Variants in TNR observed in about 807,000 individuals in gnomAD.
TNR encodes the protein tenascin-R.
Under a neutral mutation model 150.4 loss-of-function variants are expected in TNR, and 45 were observed. The ratio of observed to expected loss-of-function variants is 0.30; its 90% confidence interval spans 0.24 to 0.38. The LOEUF is 0.38. Among genes scored for constraint, TNR ranks in the 10% least tolerant of loss-of-function variants. TNR has a pLI of 1.00. For synonymous variants in TNR, 687 were observed against 678.4 expected (o/e 1.01, Z -0.20); for missense variants, 1,544 against 1,759.1 (o/e 0.88, Z 2.19).
intron 1 of TNR, among the ~76,000 whole-genome samples, chr1:175,703,075 A>T (rs1029246197): frequency 3.3e-5 from 5 of 152,006 alleles, no homozygotes; most frequent in African/African-American, 1.2e-4. Flanking sequence ...AAAAAATGGA[A>T]GGGAGGGAAG....
chr1:175,465,629 A>G (rs1657001164), intron 2 of TNR, among the ~76,000 whole-genome samples: 1 of 152,198 alleles, frequency 6.6e-6, no homozygotes, highest in South Asian at 2.1e-4. Flanking sequence ...GAATCCAGAA[A>G]TATATGTGGA....
intron 2 of TNR, among the ~76,000 whole-genome samples, chr1:175,451,969 C>G (rs547449838): frequency 5.8e-4 from 89 of 152,294 alleles, no homozygotes; most frequent in African/African-American, 2.0e-3. Context: ...TGGACATGTG[C>G]TTTGGGTATT....
At chr1:175,671,109 C>A (rs528307980) in intron 1 of TNR, among the ~76,000 whole-genome samples, 2 of 152,198 alleles carry the variant, frequency 1.3e-5, no homozygotes, top group South Asian at 4.2e-4. Context: ...GTACTGAACA[C>A]CCGTAGGGGT....
intron 4 of TNR, among the ~76,000 whole-genome samples, chr1:175,401,621 T>C (rs1653705404): frequency 6.6e-6 from 1 of 152,194 alleles, no homozygotes; most frequent in African/African-American, 2.4e-5. Context: ...CAGTGCATTA[T>C]TGTTGTTTTT....
chr1:175,484,783 G>A (rs934504949), intron 2 of TNR, among the ~76,000 whole-genome samples: 1 of 152,162 alleles, frequency 6.6e-6, no homozygotes, highest in African/African-American at 2.4e-5. Context: ...TGTCTTTGAG[G>A]GGACTGGCAG....
intron 2 of TNR, among the ~76,000 whole-genome samples, chr1:175,517,948 C>T (rs530496020): frequency 6.6e-6 from 1 of 152,120 alleles, no homozygotes; most frequent in Non-Finnish European, 1.5e-5. Flanking sequence ...AGGTTCCTTC[C>T]CAGAGCCCAG....
rs558838358 is a variant in TNR, at chr1:175,731,280, C to T, written c.-165+11946G>A. Among the ~76,000 whole-genome samples, 17 of 152,258 alleles carry T rather than the reference C, an allele frequency of 1.1e-4. No individual in the cohort carries two copies. The South Asian group carries it at 1.2e-3, about 11-fold the overall frequency. The stretch of plus-strand genomic sequence containing the variant: ...TGAAAAGTGCGAGTTAGTATGGTTG[C>T]GATCTCAATTCTGTCACTGTTGCCC... On this transcript the variant is annotated intron_variant, in intron 1 of 22. Transcript: ENST00000367674.
chr1:175,579,753 G>A (rs907257577), intron 1 of TNR, among the ~76,000 whole-genome samples: 3 of 151,872 alleles, frequency 2.0e-5, no homozygotes, highest in Non-Finnish European at 4.4e-5. Flanking sequence ...CTTGGAAATA[G>A]AGGGGAGAGG....
At chr1:175,629,359 G>C (rs1469463875) in intron 1 of TNR, among the ~76,000 whole-genome samples, 1 of 152,216 alleles carries the variant, frequency 6.6e-6, no homozygotes, top group African/African-American at 2.4e-5. Flanking sequence ...AGGCTTCCAA[G>C]AGTAGGCAGG....
intron 1 of TNR, among the ~76,000 whole-genome samples, chr1:175,590,309 T>C (rs1662748305): frequency 6.6e-6 from 1 of 152,214 alleles, no homozygotes; most frequent in African/African-American, 2.4e-5. Context: ...AAATAAAAAT[T>C]TGATATTTCA....
chr1:175,527,361 G>T (rs1659884650), intron 2 of TNR, among the ~76,000 whole-genome samples: 1 of 152,142 alleles, frequency 6.6e-6, no homozygotes, highest in Non-Finnish European at 1.5e-5. Context: ...AGGGTGTTCT[G>T]GGCTGATTCA....
chr1:175,437,669 G>A (rs1212480445), intron 2 of TNR, among the ~76,000 whole-genome samples: 3 of 152,208 alleles, frequency 2.0e-5, no homozygotes, highest in Middle Eastern at 3.4e-3. Flanking sequence ...GAATCAAATA[G>A]ACGCAATAAA....
intron 1 of TNR, among the ~76,000 whole-genome samples, chr1:175,577,342 G>A (rs1160723598): frequency 6.6e-6 from 1 of 152,102 alleles, no homozygotes; most frequent in Non-Finnish European, 1.5e-5. Flanking sequence ...GCTAGGTCTG[G>A]GAGTGAAGAC....
chr1:175,448,412 A>G (rs1477991209), intron 2 of TNR, among the ~76,000 whole-genome samples: 4 of 151,934 alleles, frequency 2.6e-5, no homozygotes, highest in Non-Finnish European at 4.4e-5. Flanking sequence ...GGGTTTCACT[A>G]TGTTAGCCAG....
At chr1:175,397,530 T>C (rs1053779931) in intron 4 of TNR, among the ~76,000 whole-genome samples, 5 of 152,230 alleles carry the variant, frequency 3.3e-5, no homozygotes, top group African/African-American at 1.2e-4. Context: ...AAATAAAGAC[T>C]CATTCCTGAT....
chr1:175,652,966 T>A (rs965311012), intron 1 of TNR, among the ~76,000 whole-genome samples: 4 of 152,116 alleles, frequency 2.6e-5, no homozygotes, highest in African/African-American at 9.7e-5. Context: ...TGGGAAAAAG[T>A]GCCACTTAAA....
At chr1:175,433,238 G>A (rs1655351898) in intron 2 of TNR, among the ~76,000 whole-genome samples, 1 of 152,174 alleles carries the variant, frequency 6.6e-6, no homozygotes, top group African/African-American at 2.4e-5. Context: ...ATATTGTTAA[G>A]CCATTGATAC....
intron 5 of TNR, 39 bp downstream of exon 5, chr1:175,396,505 G>C: frequency 6.3e-7 from 1 of 1,597,044 alleles, no homozygotes; most frequent in Non-Finnish European, 8.6e-7. Context: ...TCATGTAGGA[G>C]AAAAGAAAAA....
chr1:175,698,841 T>C (rs1161821605), intron 1 of TNR, among the ~76,000 whole-genome samples: 4 of 151,354 alleles, frequency 2.6e-5, no homozygotes, highest in African/African-American at 9.7e-5. Context: ...AAGGTGGTGC[T>C]GGCAGTGACG....
Sources: allele counts gnomAD v4.1 joint callset (sites outside exome capture counted in the v4.1 genomes callset), GRCh38; gene constraint gnomAD v4.1.1; transcripts MANE v1.5; gene names NCBI Gene and HGNC (gene_info 2026-07-23, HGNC 2026-07-21).